The following CRYBA1 variants were observed in gnomAD, a reference collection of about 807,000 sequenced individuals.
CRYBA1 encodes beta-crystallin A3.
CRYBA1 carries 25 observed loss-of-function variants against 36.2 expected under a neutral mutation model. The observed-to-expected ratio is 0.69, with a 90% CI of 0.50 to 0.97. The LOEUF (loss-of-function observed/expected upper bound fraction) is 0.97. Among genes scored for constraint, CRYBA1 ranks in the 50% least tolerant of loss-of-function variants. The pLI, the probability that CRYBA1 is intolerant of heterozygous loss-of-function variation, is 0.00. For synonymous variants in CRYBA1, 111 were observed against 90.0 expected (o/e 1.23, Z -1.32); for missense variants, 224 against 276.3 (o/e 0.81, Z 1.34).
At chr17:29,246,948 C>A (rs2068904654) in intron 1 of CRYBA1, 54 bp downstream of exon 1, 3 of 1,566,862 alleles carry the variant, frequency 1.9e-6, no homozygotes, top group Non-Finnish European at 1.7e-6. Context: ...CCTGCAGAGA[C>A]ATGCCCAGGA....
intron 1 of CRYBA1, among the ~76,000 whole-genome samples, chr17:29,247,400 T>C (rs1031599696): frequency 2.0e-5 from 3 of 152,220 alleles, no homozygotes; most frequent in African/African-American, 7.2e-5. Flanking sequence ...CCTAACCTCT[T>C]TGAGCCTCAG....
intron 4 of CRYBA1, 32 bp downstream of exon 4, chr17:29,252,237 A>G: frequency 1.9e-6 from 3 of 1,613,404 alleles, no homozygotes; most frequent in East Asian, 2.2e-5. Flanking sequence ...TTCCGTGCAT[A>G]TGAGGGATGG....
At chr17:29,251,851 T>G (rs1277267831) in intron 3 of CRYBA1, among the ~76,000 whole-genome samples, 1 of 152,188 alleles carries the variant, frequency 6.6e-6, no homozygotes, top group Admixed American at 6.5e-5. Flanking sequence ...ACCTTTTCAG[T>G]GATAACCCCC....
At position 29,250,171 on chromosome 17, in the gene CRYBA1, T is replaced by C. The variant is rs1337371680; in HGVS notation, c.97-11T>C. On this transcript the variant is annotated splice_polypyrimidine_tract_variant and intron_variant, in intron 2 of 5. Transcript: ENST00000225387. Reference sequence around the variant, plus strand: ...GTTCTAGCTCTCTTGCGCCATTCAATCTCATTTCAGATAACCATCTATGAT... The same window carrying C: ...GTTCTAGCTCTCTTGCGCCATTCAACCTCATTTCAGATAACCATCTATGAT... The C allele has an allele frequency of 6.9e-7, 1 of 1,445,704 alleles. No homozygotes were observed. The highest frequency in any genetic ancestry group is 1.1e-5 in the South Asian group (1 of 87,788). 89.6% of individuals were successfully genotyped at this position (1,445,704 alleles called of 1,614,324 possible).
rs1485022173 is a variant in CRYBA1, at chr17:29,254,214, C to T, written c.513C>T (p.Tyr171=). Residue 171 remains tyrosine (Y), a synonymous_variant, in exon 6 of 6, where the codon TAC becomes TAT. Coordinates refer to ENST00000225387, the MANE Select transcript of CRYBA1 (RefSeq NM_005208.5). The part of the protein sequence containing the change: ...MKIQSGAWVC[Y]QYPGYRGYQY... ...TTGAATTTCCTAGCTGGGTTTGCTA[C>T]CAATATCCTGGATATCGTGGGTATC... is the stretch of plus-strand genomic sequence containing the variant. 1.2e-6 allele frequency: 2 copies of T among 1,613,986 alleles called. No individual in the cohort carries two copies. Among genetic ancestry groups the T allele is most frequent in the Non-Finnish European group, 8.5e-7 (1 of 1,180,012 alleles).
intron 1 of CRYBA1, 146 bp downstream of exon 1, chr17:29,247,040 T>C: frequency 1.1e-6 from 1 of 877,470 alleles, no homozygotes; most frequent in Middle Eastern, 3.3e-4. Context: ...GAAGACAGCC[T>C]TCTCTTGTCA....
chr17:29,246,966 C>T, intron 1 of CRYBA1, 72 bp downstream of exon 1: 1 of 1,487,378 alleles, frequency 6.7e-7, no homozygotes, highest in East Asian at 2.4e-5. Flanking sequence ...GGAGAGGGCC[C>T]AGTTCTCCTG....
Position 29,253,770 on chromosome 17 carries a change from T to C in CRYBA1, c.488T>C (p.Ile163Thr), listed in dbSNP as rs2153009712. 4 of 1,614,200 alleles carry C rather than the reference T, an allele frequency of 2.5e-6. No homozygotes were observed. Among genetic ancestry groups the C allele is most frequent in the Non-Finnish European group, 3.4e-6 (4 of 1,180,026 alleles). ...WFNNEVGSMK[I>T]QSGAWVCYQY... ...AACAACGAAGTCGGCTCCATGAAGA[T>C]ACAAAGTGGGGCGTAAGTACAAAAA... Residue 163 changes from isoleucine to threonine, a missense_variant, in exon 5 of 6, where the codon ATA becomes ACA. Ile to Thr is a moderately conservative substitution (Grantham distance 89). Transcript: ENST00000225387.
chr17:29,247,112 GGCATGGGCCCCCAAGAAACGA>G (rs959179475), intron 1 of CRYBA1, among the ~76,000 whole-genome samples: 1 of 152,240 alleles, frequency 6.6e-6, no homozygotes, highest in Non-Finnish European at 1.5e-5. Context: ...CTGGGGGATG[GGCATGGGCCCCCAAGAAACGA>G]GCAGGGAGAA....
rs367805807 is a variant in CRYBA1 at position 29,250,198 on chromosome 17, A to G, written c.113A>G (p.Gln38Arg). 6 of 1,597,060 alleles carry G rather than the reference A, an allele frequency of 3.8e-6. No homozygotes were observed. In the African/African-American group the frequency reaches 6.7e-5, roughly 18 times the overall value. The change falls in exon 3 of 6, where the codon CAG becomes CGG. Residue 38 changes from glutamine (Q) to arginine (R), a missense_variant. By Grantham distance (43) the Gln-to-Arg change is conservative. Transcript: ENST00000225387. Reference sequence around the variant, plus strand: ...TCATTTCAGATAACCATCTATGATCAGGAGAACTTTCAGGGCAAGAGGATG... The same window carrying G: ...TCATTTCAGATAACCATCTATGATCGGGAGAACTTTCAGGGCAAGAGGATG... ...LGPWKITIYD[Q>R]ENFQGKRMEF...
chr17:29,247,505 A>G (rs573515952), intron 1 of CRYBA1, among the ~76,000 whole-genome samples: 2 of 152,392 alleles, frequency 1.3e-5, no homozygotes, highest in East Asian at 3.9e-4. Context: ...CATTTAAAAC[A>G]GGGCCGGACA....
intron 4 of CRYBA1, among the ~76,000 whole-genome samples, chr17:29,253,143 CTACCACTTTCTAT>C (rs1263732402): frequency 6.6e-6 from 1 of 152,196 alleles, no homozygotes; most frequent in African/African-American, 2.4e-5. Context: ...AATTGCTCCC[CTACCACTTTCTAT>C]TACCAAACAG....
Position 29,252,977 on chromosome 17 carries a change from T to C in CRYBA1, c.358-663T>C, listed in dbSNP as rs564501565. Among the ~76,000 whole-genome samples the C allele has an allele frequency of 2.0e-5, 3 of 152,338 alleles. No individual in the cohort carries two copies. In the South Asian group the frequency reaches 6.2e-4, roughly 32 times the overall value. Reference sequence around the variant, plus strand: ...CAATCTCACTTTTAAAAACATTTCATTTGCCCACCCTAAGGTATAACTGAC... The same window carrying C: ...CAATCTCACTTTTAAAAACATTTCACTTGCCCACCCTAAGGTATAACTGAC... On this transcript the variant is annotated intron_variant, in intron 4 of 5. Transcript: ENST00000225387.
chr17:29,253,926 C>A (rs1489810535), intron 5 of CRYBA1, 144 bp downstream of exon 5: 2 of 1,162,518 alleles, frequency 1.7e-6, no homozygotes, highest in East Asian at 2.6e-5. Context: ...TTTCTTTATA[C>A]CAACTACCAC....
intron 5 of CRYBA1, among the ~76,000 whole-genome samples, 194 bp from the exon 6 acceptor site, chr17:29,254,008 T>C (rs2068952619): frequency 6.6e-6 from 1 of 152,234 alleles, no homozygotes; most frequent in Non-Finnish European, 1.5e-5. Flanking sequence ...TATACCTGTT[T>C]TGATGATTAA....
chr17:29,253,573 G>A, intron 4 of CRYBA1, 67 bp from the exon 5 acceptor site: 1 of 1,359,882 alleles, frequency 7.4e-7, no homozygotes. Context: ...TTTCAATTTT[G>A]AAAAACATGA....
intron 5 of CRYBA1, 99 bp from the exon 6 acceptor site, chr17:29,254,103 C>T (rs770802147): frequency 6.4e-5 from 85 of 1,325,958 alleles, no homozygotes; most frequent in African/African-American, 1.0e-4. Flanking sequence ...AGCCTAAAAG[C>T]ATCTCATACC....
Position 29,249,210 on chromosome 17 carries a change from A to G in CRYBA1, c.96+4A>G, listed in dbSNP as rs750784927. On this transcript the variant is annotated splice_donor_region_variant and intron_variant, in intron 2 of 5. Coordinates refer to ENST00000225387, the MANE Select transcript of CRYBA1 (RefSeq NM_005208.5). Reference sequence around the variant, plus strand: ...GGGGTCCCTGGGGCCATGGAAGGTAAGCCCACCCCCATCACATCCAACAGG... The same window carrying G: ...GGGGTCCCTGGGGCCATGGAAGGTAGGCCCACCCCCATCACATCCAACAGG... 3 of 1,601,902 alleles carry G rather than the reference A, an allele frequency of 1.9e-6. No homozygotes were observed. Among genetic ancestry groups the G allele is most frequent in the South Asian group, 2.2e-5 (2 of 90,852 alleles).
chr17:29,254,094 G>C, intron 5 of CRYBA1, 108 bp from the exon 6 acceptor site: 1 of 1,265,668 alleles, frequency 7.9e-7, no homozygotes, highest in African/African-American at 1.5e-5. Flanking sequence ...TTTTTTCTAA[G>C]CCTAAAAGCA....
Sources: allele counts gnomAD v4.1 joint callset (sites outside exome capture counted in the v4.1 genomes callset), GRCh38; gene constraint gnomAD v4.1.1; transcripts MANE v1.5; gene names NCBI Gene and HGNC (gene_info 2026-07-23, HGNC 2026-07-21).